The following PLXNA1 variants were observed in gnomAD, a reference collection of about 807,000 sequenced individuals.
PLXNA1 encodes the protein plexin A1.
Under a neutral mutation model 191.7 loss-of-function variants are expected in PLXNA1, and 77 were observed. The observed-to-expected ratio is 0.40, with a 90% CI of 0.33 to 0.49. The LOEUF is 0.49. Ranked by LOEUF, PLXNA1 falls within the 20% of genes least tolerant of loss-of-function variation. The pLI is 0.63. For missense variants in PLXNA1, 2,110 were observed against 2,660.2 expected, an observed-to-expected ratio of 0.79 and a Z score of 4.55; for synonymous variants, 1,137 against 1,156.4, an observed-to-expected ratio of 0.98 and a Z score of 0.34.
At chr3:126,985,942 TGTGACCCCA>T (rs1393577210) in intron 1 of PLXNA1, among the ~76,000 whole-genome samples, 1 of 149,552 alleles carries the variant, frequency 6.7e-6, no homozygotes, top group Non-Finnish European at 1.5e-5. Flanking sequence ...CCGGCAACCC[TGTGACCCCA>T]GGCAAGTCCC....
At chr3:126,997,061 TGGGGTTGA>T (rs1485026395) in intron 3 of PLXNA1, among the ~76,000 whole-genome samples, 1 of 152,198 alleles carries the variant, frequency 6.6e-6, no homozygotes, top group Non-Finnish European at 1.5e-5. Flanking sequence ...ATGTGGGCTC[TGGGGTTGA>T]GTCATCATCT....
At chr3:127,032,144 G>C (rs1005392325) in intron 29 of PLXNA1, among the ~76,000 whole-genome samples, 1 of 152,242 alleles carries the variant, frequency 6.6e-6, no homozygotes, top group Non-Finnish European at 1.5e-5. Flanking sequence ...AAACGAGTGC[G>C]TTTGAGCACG....
rs375833812 is a variant in PLXNA1 at position 127,017,786 on chromosome 3, G to A, written c.3554G>A (p.Arg1185Gln). The change falls in exon 19 of 32, where the codon CGA (arginine) becomes CAA (glutamine). Residue 1185 changes from arginine to glutamine, a missense_variant. Transcript: ENST00000393409. ...NLLPPAPGNS[R>Q]LNYTVLIGST... Reference sequence around the variant, plus strand: ...TTGCCACCTGCACCCGGCAACTCCCGACTCAACTACACGGTGCTCATCGGC... The same window carrying A: ...TTGCCACCTGCACCCGGCAACTCCCAACTCAACTACACGGTGCTCATCGGC... 1.3e-5 allele frequency: 21 copies of A among 1,612,938 alleles called. No homozygotes were observed. The highest frequency in any genetic ancestry group is 5.5e-5 in the South Asian group (5 of 91,070).
Position 127,003,276 on chromosome 3 carries a change from G to T in PLXNA1, c.1378-54G>T. 4.0e-6 allele frequency: 6 copies of T among 1,506,166 alleles called. No homozygotes were observed. The South Asian group carries it at 5.3e-5, about 13-fold the overall frequency. 93.3% of individuals were successfully genotyped at this position (1,506,166 alleles called of 1,614,324 possible). ...CCCCTGACCTTCTGTGGGGGGTGGG[G>T]CTGGGTCAGGGAGGTATCAGCACAG... On this transcript the variant is annotated intron_variant, in intron 3 of 31. Transcript: ENST00000393409.
chr3:127,020,828 G>GT (rs1183872475), intron 21 of PLXNA1, among the ~76,000 whole-genome samples: 2 of 152,248 alleles, frequency 1.3e-5, no homozygotes, highest in Non-Finnish European at 2.9e-5. Context: ...GGAGGTGCGG[G>GT]TGCCTGATGA....
rs148887289 is a variant in PLXNA1 at position 127,018,299 on chromosome 3, G to A, written c.3666G>A (p.Arg1222=). 6.1e-4 allele frequency: 978 copies of A among 1,600,882 alleles called. 2 individuals carry two copies. Among genetic ancestry groups the A allele is most frequent in the Middle Eastern group, 7.5e-4 (4 of 5,344 alleles). ...TGGCCTCCACCCACTGGCAGGTGCG[G>A]GCAGGTGGCTTCGAGTTCTCGCCAG... ...NLTGQHKVTV[R]AGGFEFSPGT... is the part of the protein sequence containing the mutation. The change falls in exon 20 of 32, where the codon CGG becomes CGA. Residue 1222 remains arginine (R), a synonymous_variant. Transcript: ENST00000393409.
rs778608298 is a variant in PLXNA1 at position 127,018,314 on chromosome 3, G to A, written c.3681G>A (p.Glu1227=). The A allele has an allele frequency of 2.5e-6, 4 of 1,608,016 alleles. No homozygotes were observed. Among genetic ancestry groups the A allele is most frequent in the Admixed American group, 1.7e-5 (1 of 59,710 alleles). Residue 1227 remains glutamate (E), a synonymous_variant, in exon 20 of 32, where the codon GAG becomes GAA. Transcript: ENST00000393409. ...HKVTVRAGGF[E]FSPGTLQVYS... is the part of the protein sequence containing the mutation. ...GGCAGGTGCGGGCAGGTGGCTTCGA[G>A]TTCTCGCCAGGGACACTGCAGGTGT...
chr3:126,994,449 C>T (rs2079005522), intron 3 of PLXNA1, among the ~76,000 whole-genome samples: 1 of 152,156 alleles, frequency 6.6e-6, no homozygotes, highest in African/African-American at 2.4e-5. Context: ...AGCCTAACTT[C>T]CCACCACAGG....
chr3:127,030,236 C>A lies in PLXNA1; in HGVS notation c.5062-7C>A, dbSNP rs7625998. 6.2e-7 allele frequency: 1 copy of A among 1,612,374 alleles called. No homozygotes were observed. The highest frequency in any genetic ancestry group is 8.5e-7 in the Non-Finnish European group (1 of 1,179,062). ...TGGGGCTCAGTGTCCCTGCCTGCCC[C>A]CCGCAGGGCACACTGCAGAAGTTTG... is the stretch of plus-strand genomic sequence containing the variant. On this transcript the variant is annotated splice_polypyrimidine_tract_variant and splice_region_variant and intron_variant, in intron 28 of 31. Coordinates refer to ENST00000393409, the MANE Select transcript of PLXNA1 (RefSeq NM_032242.4).
chr3:127,022,644 A>C, intron 22 of PLXNA1, 108 bp from the exon 23 acceptor site: 1 of 854,048 alleles, frequency 1.2e-6, no homozygotes, highest in Non-Finnish European at 1.8e-6. Context: ...TCGGTGCTGT[A>C]GGAAGGGGGG....
intron 3 of PLXNA1, among the ~76,000 whole-genome samples, chr3:127,001,993 A>G (rs1023760238): frequency 4.6e-5 from 7 of 152,226 alleles, no homozygotes; most frequent in African/African-American, 1.4e-4. Flanking sequence ...GCCAGTGGTC[A>G]TCTTAAACAA....
chr3:126,991,686 G>C (rs1388917106), intron 3 of PLXNA1, 120 bp downstream of exon 3: 1 of 1,084,464 alleles, frequency 9.2e-7, no homozygotes, highest in Non-Finnish European at 1.3e-6. Context: ...CTGGCGTACA[G>C]GGGGCAGGGG....
intron 15 of PLXNA1, among the ~76,000 whole-genome samples, chr3:127,015,621 A>T (rs901491440): frequency 6.6e-6 from 1 of 152,250 alleles, no homozygotes; most frequent in Admixed American, 6.5e-5. Context: ...TTTTTTAAAA[A>T]TTTTTAAGAG....
In PLXNA1 at chr3:127,016,539, T is replaced by G. The variant is rs1428417115; in HGVS notation, c.3037T>G (p.Cys1013Gly). 1.2e-6 allele frequency: 2 copies of G among 1,613,746 alleles called. No homozygotes were observed. The highest frequency in any genetic ancestry group is 1.7e-6 in the Non-Finnish European group (2 of 1,179,934). ...FSWRNSREIR[C>G]LTPPGQSPGS... ...CAGGAGGAACTCCCGTGAGATCCGGTGCCTGACACCCCCCGGGCAGAGCCC... is the reference window on the plus strand; with the variant it reads ...CAGGAGGAACTCCCGTGAGATCCGGGGCCTGACACCCCCCGGGCAGAGCCC... Residue 1013 changes from cysteine (C) to glycine (G), a missense_variant, in exon 16 of 32, where the codon TGC (cysteine) becomes GGC (glycine). Physicochemically the swap from Cys to Gly is radical, Grantham distance 159. Around this residue, in one of 4 missense-constraint regions of PLXNA1, gnomAD observed 644 missense variants for 714.3 expected, o/e 0.90. Transcript: ENST00000393409.
At chr3:127,008,239 G>A (rs766512200) in intron 9 of PLXNA1, among the ~76,000 whole-genome samples, 6 of 152,126 alleles carry the variant, frequency 3.9e-5, no homozygotes, top group Non-Finnish European at 8.8e-5. Context: ...CTGCAGACAC[G>A]GGCTCCTGGG....
intron 10 of PLXNA1, among the ~76,000 whole-genome samples, chr3:127,013,602 G>A (rs187277988): frequency 8.2e-4 from 125 of 152,340 alleles, no homozygotes; most frequent in Middle Eastern, 3.4e-3. Context: ...CGGGGACACG[G>A]ATCTCCCACC....
rs892536737 is a variant in PLXNA1, at chr3:126,994,875, G to A, written c.1377+3309G>A. On this transcript the variant is annotated intron_variant, in intron 3 of 31. Transcript: ENST00000393409. The stretch of plus-strand genomic sequence containing the variant: ...GCTCCCTCCTGCCTGTTCACATAGG[G>A]CTTCTCCTTCCCTGAGGCAGCTGGC... Among the ~76,000 whole-genome samples the A allele has an allele frequency of 2.0e-5, 3 of 152,076 alleles. No homozygotes were observed. In the East Asian group the frequency reaches 5.8e-4, roughly 30 times the overall value.
chr3:127,021,940 T>G, intron 21 of PLXNA1, 145 bp from the exon 22 acceptor site: 1 of 1,213,226 alleles, frequency 8.2e-7, no homozygotes, highest in Non-Finnish European at 1.1e-6. Flanking sequence ...AGCTGAGGAG[T>G]CAGGGCAACT....
chr3:127,001,659 C>T (rs2079041379), intron 3 of PLXNA1, among the ~76,000 whole-genome samples: 1 of 152,262 alleles, frequency 6.6e-6, no homozygotes, highest in African/African-American at 2.4e-5. Context: ...CCCTCCTCGC[C>T]TTCCTTCCCC....
Sources: gnomAD v4.1 joint callset for allele counts (sites outside exome capture counted in the v4.1 genomes callset) on GRCh38, gnomAD v4.1.1 for gene constraint, gnomAD v4.1.1 regional missense constraint, MANE v1.5 for transcripts, NCBI Gene and HGNC (gene_info 2026-07-23, HGNC 2026-07-21) for gene names.